Variants in TRDN observed in about 807,000 individuals in gnomAD.
TRDN encodes triadin, also known as triadin in skeletal muscle.
In TRDN, 161 loss-of-function variants were observed where a neutral mutation model predicts 149.7. That is an observed-to-expected ratio of 1.08 (90% CI 0.95 to 1.23). The LOEUF (loss-of-function observed/expected upper bound fraction) is 1.23. Ranked by LOEUF, TRDN falls within the 50% of genes most tolerant of loss-of-function variation. The pLI is 0.00. For missense variants in TRDN, 896 were observed against 823.5 expected (o/e 1.09, Z -1.08); for synonymous variants, 294 against 250.5 (o/e 1.17, Z -1.64).
intron 2 of TRDN, among the ~76,000 whole-genome samples, chr6:123,562,245 G>A (rs563363076): frequency 2.4e-4 from 37 of 151,952 alleles, no homozygotes; most frequent in South Asian, 1.2e-3. Flanking sequence ...ATCTCCCTTC[G>A]CTGACTCTCT....
intron 1 of TRDN, among the ~76,000 whole-genome samples, chr6:123,609,251 A>G (rs567360829): frequency 3.3e-5 from 5 of 152,280 alleles, no homozygotes; most frequent in African/African-American, 1.2e-4. Flanking sequence ...ATGAAATACA[A>G]TATATCCATG....
intron 1 of TRDN, among the ~76,000 whole-genome samples, chr6:123,588,760 A>T (rs1783638152): frequency 6.6e-6 from 1 of 152,212 alleles, no homozygotes; most frequent in African/African-American, 2.4e-5. Flanking sequence ...TGAAAGTTTT[A>T]TCGGGCAGGG....
chr6:123,252,284 C>T, intron 38 of TRDN, 128 bp downstream of exon 38: 1 of 446,706 alleles, frequency 2.2e-6, no homozygotes, highest in East Asian at 3.8e-5. Flanking sequence ...TAATAAATTC[C>T]TGTCAGAGGA....
chr6:123,590,103 A>G (rs1168122504), intron 1 of TRDN, among the ~76,000 whole-genome samples: 1 of 152,036 alleles, frequency 6.6e-6, no homozygotes, highest in Non-Finnish European at 1.5e-5. Flanking sequence ...GGAGTCCCCA[A>G]CCCCCAGGCC....
At chr6:123,487,930 G>A (rs1778043953) in intron 9 of TRDN, among the ~76,000 whole-genome samples, 1 of 152,008 alleles carries the variant, frequency 6.6e-6, no homozygotes, top group African/African-American at 2.4e-5. Context: ...AACATTTAGA[G>A]TTCGTATTAT....
At chr6:123,474,222 G>A (rs1562334096) in intron 9 of TRDN, among the ~76,000 whole-genome samples, 1 of 151,876 alleles carries the variant, frequency 6.6e-6, no homozygotes. Flanking sequence ...GACACACATA[G>A]GCTCAAAATA....
chr6:123,221,727 G>C (rs896804398), intron 39 of TRDN, among the ~76,000 whole-genome samples: 1 of 151,514 alleles, frequency 6.6e-6, no homozygotes, highest in Non-Finnish European at 1.5e-5. Flanking sequence ...GAGAGAAAGG[G>C]AACCCATGAA....
At chr6:123,366,305 T>C (rs1366388602) in intron 19 of TRDN, 123 bp from the exon 20 acceptor site, 14 of 811,112 alleles carry the variant, frequency 1.7e-5, no homozygotes, top group Admixed American at 3.0e-5. Context: ...AAGCAAGCTG[T>C]AGAGAAAGCC....
chr6:123,506,714 C>G (rs1395756831), intron 7 of TRDN, among the ~76,000 whole-genome samples: 4 of 152,004 alleles, frequency 2.6e-5, no homozygotes, highest in African/African-American at 9.7e-5. Flanking sequence ...GTCTTGAACT[C>G]CTGACCTCAG....
chr6:123,448,359 C>T (rs1440549516), intron 10 of TRDN, among the ~76,000 whole-genome samples: 2 of 152,114 alleles, frequency 1.3e-5, no homozygotes, highest in African/African-American at 4.8e-5. Context: ...GCCCATCTCG[C>T]CCTCCACCTG....
intron 13 of TRDN, among the ~76,000 whole-genome samples, chr6:123,392,967 G>C (rs915408380): frequency 2.0e-5 from 3 of 151,972 alleles, no homozygotes; most frequent in East Asian, 1.9e-4. Context: ...ATCTTCTCCA[G>C]TAAACATTGT....
chr6:123,321,249 G>A lies in TRDN; in HGVS notation c.1472-4754C>T, dbSNP rs553363529. ...TTGCTGTGAAAATTAAACACTACAC[G>A]TGAAGTACTTCGAATGGTGCCAGGT... On this transcript the variant is annotated intron_variant, in intron 23 of 40. Coordinates refer to ENST00000334268, the MANE Select transcript of TRDN (RefSeq NM_006073.4). Among the ~76,000 whole-genome samples, 10 of 152,144 alleles carry A rather than the reference G, an allele frequency of 6.6e-5. No individual in the cohort carries two copies. In the South Asian group the frequency reaches 1.2e-3, roughly 19 times the overall value.
intron 1 of TRDN, among the ~76,000 whole-genome samples, chr6:123,607,367 G>T (rs1192752374): frequency 6.6e-6 from 1 of 152,146 alleles, no homozygotes; most frequent in Non-Finnish European, 1.5e-5. Context: ...GGTTATTAAT[G>T]TTGATATATG....
At chr6:123,287,290 G>C (rs2114643281) in intron 24 of TRDN, among the ~76,000 whole-genome samples, 1 of 152,128 alleles carries the variant, frequency 6.6e-6, no homozygotes, top group South Asian at 2.1e-4. Context: ...GTCTATCCAT[G>C]GTCTAAGCCT....
chr6:123,408,341 G>C (rs748609481), intron 12 of TRDN, among the ~76,000 whole-genome samples: 2 of 152,008 alleles, frequency 1.3e-5, no homozygotes, highest in Non-Finnish European at 2.9e-5. Flanking sequence ...CTAATATAAA[G>C]TACAAAATTC....
intron 39 of TRDN, among the ~76,000 whole-genome samples, chr6:123,223,670 T>C (rs565076030): frequency 2.6e-4 from 38 of 144,780 alleles, no homozygotes; most frequent in African/African-American, 9.8e-4. Flanking sequence ...CAGCCTTCCA[T>C]TTCTTCCTTC....
At chr6:123,338,839 C>T (rs1365812004) in intron 21 of TRDN, among the ~76,000 whole-genome samples, 1 of 151,996 alleles carries the variant, frequency 6.6e-6, no homozygotes, top group Non-Finnish European at 1.5e-5. Context: ...AAAAGTACTC[C>T]AGTAAAGTTA....
chr6:123,290,207 T>C (rs1562247551), intron 24 of TRDN, among the ~76,000 whole-genome samples: 1 of 152,162 alleles, frequency 6.6e-6, no homozygotes, highest in Non-Finnish European at 1.5e-5. Flanking sequence ...TGTCTCTTTC[T>C]ATTTTCCACA....
chr6:123,259,583 G>C, intron 35 of TRDN, 41 bp downstream of exon 35: 20 of 1,343,360 alleles, frequency 1.5e-5, no homozygotes, highest in Non-Finnish European at 2.0e-5. Context: ...CTCTGTTTTT[G>C]TGGCTAATTT....
Sources: allele counts gnomAD v4.1 joint callset (sites outside exome capture counted in the v4.1 genomes callset), GRCh38; gene constraint gnomAD v4.1.1; transcripts MANE v1.5; gene names NCBI Gene and HGNC (gene_info 2026-07-23, HGNC 2026-07-21).